UNC5C: variants seen among roughly 807,000 people sequenced by gnomAD.
UNC5C encodes unc-5 netrin receptor C, also known as netrin receptor UNC5C.
A neutral mutation model predicts 99.8 loss-of-function variants in UNC5C; 47 were observed. The ratio of observed to expected loss-of-function variants is 0.47; its 90% CI spans 0.37 to 0.60. UNC5C has a LOEUF of 0.60. Among genes scored for constraint, UNC5C ranks in the 20% least tolerant of loss-of-function variants. The probability of loss-of-function intolerance (pLI) is 0.00; values close to 1 mark genes in which losing one functional copy is unlikely to be tolerated. For missense variants in UNC5C, 1,062 were observed against 1,165.9 expected (o/e 0.91, Z 1.30); for synonymous variants, 487 against 452.2 (o/e 1.08, Z -0.98).
chr4:95,449,925 A>G (rs1747233147), intron 1 of UNC5C, among the ~76,000 whole-genome samples: 1 of 152,204 alleles, frequency 6.6e-6, no homozygotes, highest in Non-Finnish European at 1.5e-5. Context: ...TCAAGAAATC[A>G]AAGTTCTTCA....
chr4:95,545,273 C>T (rs546758420), intron 1 of UNC5C, among the ~76,000 whole-genome samples: 6 of 152,274 alleles, frequency 3.9e-5, no homozygotes, highest in African/African-American at 1.2e-4. Context: ...TAATTCTTTG[C>T]AAGTGTTTGA....
chr4:95,334,698 C>T (rs989942236), intron 2 of UNC5C, among the ~76,000 whole-genome samples: 4 of 151,866 alleles, frequency 2.6e-5, no homozygotes, highest in Non-Finnish European at 4.4e-5. Context: ...CTACTCCATC[C>T]TTTCTTTGCC....
intron 14 of UNC5C, among the ~76,000 whole-genome samples, chr4:95,176,138 A>G (rs1736331941): frequency 1.3e-5 from 2 of 150,734 alleles, no homozygotes. Context: ...CTAGTTATAC[A>G]TTCTTCTAAA....
chr4:95,409,125 C>T (rs963521375), intron 1 of UNC5C, among the ~76,000 whole-genome samples: 9 of 152,180 alleles, frequency 5.9e-5, no homozygotes, highest in Admixed American at 3.9e-4. Flanking sequence ...TAGTTCAAAA[C>T]GCTTTGCAAG....
At chr4:95,460,635 G>A (rs35328911) in intron 1 of UNC5C, among the ~76,000 whole-genome samples, 52,465 of 152,066 alleles carry the variant, frequency 0.35, 10,276 homozygotes, top group Admixed American at 0.43. Flanking sequence ...ATTGTGAGGC[G>A]TCCCTAGCCA....
chr4:95,358,214 G>A (rs902396123), intron 1 of UNC5C, among the ~76,000 whole-genome samples: 14 of 152,146 alleles, frequency 9.2e-5, no homozygotes, highest in Non-Finnish European at 1.6e-4. Context: ...TATTAATGCA[G>A]TTTCTACCTT....
Position 95,216,258 on chromosome 4 carries a change from G to A in UNC5C, c.1646-47C>T, listed in dbSNP as rs142916086. The A allele has an allele frequency of 2.3e-5, 34 of 1,483,464 alleles. 1 individual carries two copies. Among genetic ancestry groups the A allele is most frequent in the Middle Eastern group, 1.7e-4 (1 of 5,844 alleles). The allele number at this position is 1,483,464 out of a possible 1,614,324, so 91.9% of individuals were successfully genotyped here. ...CAGTCATTTAAGACTTTTGCAGCACGTAAAAGGGAATGAGGAGATTTTGTG... is the reference window on the plus strand; with the variant it reads ...CAGTCATTTAAGACTTTTGCAGCACATAAAAGGGAATGAGGAGATTTTGTG... On this transcript the variant is annotated intron_variant, in intron 9 of 15. Coordinates refer to ENST00000453304, the MANE Select transcript of UNC5C (RefSeq NM_003728.4).
At chr4:95,253,175 C>A (rs1739806759) in intron 4 of UNC5C, among the ~76,000 whole-genome samples, 1 of 152,130 alleles carries the variant, frequency 6.6e-6, no homozygotes, top group Admixed American at 6.5e-5. Context: ...TAAAAAACTA[C>A]TCACATTCAT....
chr4:95,217,271 G>T (rs1738286324), intron 9 of UNC5C, among the ~76,000 whole-genome samples: 1 of 152,200 alleles, frequency 6.6e-6, no homozygotes, highest in Non-Finnish European at 1.5e-5. Flanking sequence ...ACACTGGAAA[G>T]TCTCAAGAAA....
chr4:95,380,443 A>AT (rs10560399), intron 1 of UNC5C, among the ~76,000 whole-genome samples: 16,438 of 132,848 alleles, frequency 0.12, 1,159 homozygotes, highest in Non-Finnish European at 0.15. Context: ...CTTAAGAAAC[A>AT]TTTTTTTTTT....
chr4:95,268,957 T>A (rs531517843), intron 4 of UNC5C, among the ~76,000 whole-genome samples: 1 of 152,336 alleles, frequency 6.6e-6, no homozygotes, highest in South Asian at 2.1e-4. Context: ...TATGGGGCTA[T>A]TATCAAATGT....
intron 13 of UNC5C, among the ~76,000 whole-genome samples, chr4:95,184,007 T>C (rs1736725947): frequency 6.6e-6 from 1 of 152,336 alleles, no homozygotes; most frequent in East Asian, 1.9e-4. Context: ...ATTAAAATAG[T>C]ATTTTCTTAT....
chr4:95,350,038 C>T (rs998407765), intron 1 of UNC5C, among the ~76,000 whole-genome samples: 12 of 152,042 alleles, frequency 7.9e-5, no homozygotes, highest in African/African-American at 2.9e-4. Context: ...GATAATCTGA[C>T]TTTATGATAG....
chr4:95,222,068 T>C, intron 7 of UNC5C: 2 of 529,078 alleles, frequency 3.8e-6, no homozygotes, highest in South Asian at 5.7e-5. Flanking sequence ...GCAGCAAAAA[T>C]CTAATTTATT....
chr4:95,429,280 T>TAA (rs112203195), intron 1 of UNC5C, among the ~76,000 whole-genome samples: 19,282 of 94,512 alleles, frequency 0.2, 2,297 homozygotes, highest in African/African-American at 0.37. Context: ...TAGTGATTCT[T>TAA]AAAAAAAAAA....
chr4:95,537,182 G>T (rs1320032035), intron 1 of UNC5C, among the ~76,000 whole-genome samples: 1 of 151,986 alleles, frequency 6.6e-6, no homozygotes, highest in East Asian at 1.9e-4. Flanking sequence ...ATAAATAAAA[G>T]ATGTGATGCC....
intron 10 of UNC5C, among the ~76,000 whole-genome samples, chr4:95,209,965 G>T (rs1386777504): frequency 2.0e-5 from 3 of 152,142 alleles, no homozygotes; most frequent in African/African-American, 7.2e-5. Context: ...ATTTCAAGTG[G>T]TCTTTGCAAT....
chr4:95,247,751 A>C (rs1022889946), intron 5 of UNC5C, among the ~76,000 whole-genome samples: 1 of 152,214 alleles, frequency 6.6e-6, no homozygotes, highest in Non-Finnish European at 1.5e-5. Context: ...CAACACATTC[A>C]TTGTATTTAT....
intron 6 of UNC5C, among the ~76,000 whole-genome samples, chr4:95,244,761 C>A (rs1739440055): frequency 1.3e-5 from 2 of 152,090 alleles, no homozygotes; most frequent in Non-Finnish European, 2.9e-5. Context: ...TGTTTAATCT[C>A]CTGTTTTGTA....
Sources: allele counts gnomAD v4.1 joint callset (sites outside exome capture counted in the v4.1 genomes callset), GRCh38; gene constraint gnomAD v4.1.1; transcripts MANE v1.5; gene names NCBI Gene and HGNC (gene_info 2026-07-23, HGNC 2026-07-21).